The following DEPDC5 variants were observed in gnomAD, a reference collection of about 807,000 sequenced individuals.
The protein encoded by DEPDC5 is DEP domain containing 5, GATOR1 subcomplex subunit, also known as GATOR1 complex protein DEPDC5.
In DEPDC5, 73 loss-of-function variants were observed where a neutral mutation model predicts 217.3. That is an observed-to-expected ratio of 0.34 (90% CI 0.28 to 0.41). DEPDC5 has a LOEUF of 0.41. Among genes scored for constraint, DEPDC5 ranks in the 10% least tolerant of loss-of-function variants. The pLI is 1.00. For missense variants in DEPDC5, 1,675 were observed against 2,070.1 expected (o/e 0.81, Z 3.70); for synonymous variants, 733 against 756.7 (o/e 0.97, Z 0.51).
chr22:31,814,725 G>T (rs2088862464), intron 20 of DEPDC5: 1 of 479,628 alleles, frequency 2.1e-6, no homozygotes, highest in African/African-American at 1.9e-5. Context: ...AGTGGGATTA[G>T]GTGGGGTCAG....
intron 25 of DEPDC5, 77 bp downstream of exon 25, chr22:31,834,057 A>G: frequency 6.9e-7 from 1 of 1,452,832 alleles, no homozygotes; most frequent in Non-Finnish European, 9.7e-7. Context: ...AACAAGAGGA[A>G]GCCCTGTGGG....
At chr22:31,754,771 G>A (rs1000170120) in intron 1 of DEPDC5, 91 bp from the exon 2 acceptor site, 7 of 793,072 alleles carry the variant, frequency 8.8e-6, no homozygotes, top group Non-Finnish European at 1.4e-5. Flanking sequence ...CACAGCAGAG[G>A]AACACCAGTA....
intron 16 of DEPDC5, among the ~76,000 whole-genome samples, 157 bp from the exon 17 acceptor site, chr22:31,804,685 C>T (rs962767345): frequency 1.3e-5 from 2 of 152,240 alleles, no homozygotes; most frequent in African/African-American, 4.8e-5. Flanking sequence ...GGTGGTCCGC[C>T]CGCCTTGGCC....
chr22:31,902,437 C>T lies in DEPDC5; in HGVS notation c.4436+635C>T, dbSNP rs923906831. On this transcript the variant is annotated intron_variant, in intron 41 of 42. Transcript: ENST00000651528. ...ATATATATATATATATATATATATACTTATATATACTCATACAACCACAGG... is the reference window on the plus strand; with the variant it reads ...ATATATATATATATATATATATATATTTATATATACTCATACAACCACAGG... Among the ~76,000 whole-genome samples, 281 of 78,032 alleles carry T rather than the reference C, an allele frequency of 3.6e-3. 1 individual carries two copies. The highest frequency in any genetic ancestry group is 0.011 in the African/African-American group (235 of 22,242). The allele number at this position is 78,032 out of a possible 152,430, so 51.2% of individuals were successfully genotyped here. A position where few individuals can be genotyped will look rare whatever the true frequency, so the allele number is the denominator to read the frequency against.
intron 24 of DEPDC5, chr22:31,823,221 T>TTG (rs1424294369): frequency 1.2e-5 from 2 of 173,364 alleles, no homozygotes; most frequent in Non-Finnish European, 2.5e-5. Flanking sequence ...GATTACATAG[T>TTG]TGCCTAGAGA....
intron 27 of DEPDC5, 37 bp from the exon 28 acceptor site, chr22:31,843,058 T>C (rs752468508): frequency 1.3e-6 from 2 of 1,514,598 alleles, no homozygotes; most frequent in Non-Finnish European, 9.1e-7. Flanking sequence ...AGGAATGAGC[T>C]TCAAACAGAT....
chr22:31,870,870 C>T, intron 34 of DEPDC5, 126 bp downstream of exon 34: 1 of 1,113,002 alleles, frequency 9.0e-7, no homozygotes, highest in Non-Finnish European at 1.2e-6. Context: ...ACATGCGACC[C>T]TGGGCAAGTT....
chr22:31,823,052 G>T (rs936828795), intron 24 of DEPDC5: 47 of 417,340 alleles, frequency 1.1e-4, no homozygotes, highest in Admixed American at 1.0e-3. Flanking sequence ...CAGCTTAGGA[G>T]CATAGTATTG....
rs984431191 is a variant in DEPDC5, at chr22:31,792,889, A to G, written c.767+72A>G. The G allele has an allele frequency of 8.3e-6, 11 of 1,326,282 alleles. No individual in the cohort carries two copies. The South Asian group carries it at 1.8e-4, about 22-fold the overall frequency. The allele number at this position is 1,326,282 out of a possible 1,614,324, so 82.2% of individuals were successfully genotyped here. Reference sequence around the variant, plus strand: ...TTCTTTCCTAACTTAAAAATAAGTCAGCCTGGGCAACATGGCGAAACCCTG... The same window carrying G: ...TTCTTTCCTAACTTAAAAATAAGTCGGCCTGGGCAACATGGCGAAACCCTG... On this transcript the variant is annotated intron_variant, in intron 12 of 42. Transcript: ENST00000651528.
intron 4 of DEPDC5, among the ~76,000 whole-genome samples, chr22:31,762,970 A>G (rs1373064597): frequency 6.6e-6 from 1 of 151,692 alleles, no homozygotes; most frequent in Non-Finnish European, 1.5e-5. Flanking sequence ...GTGCACCACC[A>G]TGCCTGGCTA....
intron 38 of DEPDC5, chr22:31,891,323 CA>C: frequency 2.4e-6 from 1 of 408,950 alleles, no homozygotes; most frequent in Non-Finnish European, 4.7e-6. Flanking sequence ...TTATCTTTAT[CA>C]ACTCATCCTT....
intron 14 of DEPDC5, 54 bp from the exon 15 acceptor site, chr22:31,802,650 A>G: frequency 2.1e-6 from 3 of 1,456,332 alleles, no homozygotes; most frequent in East Asian, 2.6e-5. Flanking sequence ...TGTCTGTGAC[A>G]GGGTTCTGAA....
chr22:31,828,664 A>G lies in DEPDC5; in HGVS notation c.2105-5251A>G, dbSNP rs1272226223. The stretch of plus-strand genomic sequence containing the variant: ...TTTCTCCTTGCTTGGTTTTTAAGTG[A>G]CTTTCCTTTCAAGCCATCCTCAGTT... On this transcript the variant is annotated intron_variant, in intron 24 of 42. Transcript: ENST00000651528. 2.0e-5 allele frequency among the ~76,000 whole-genome samples: 3 copies of G among 152,156 alleles called. No individual in the cohort carries two copies. In the East Asian group the frequency reaches 5.8e-4, roughly 29 times the overall value.
rs941338013 is a variant in DEPDC5, at chr22:31,870,258, G to T, written c.3331-332G>T. ...TGGAGATTTTTCTTTAGTGTAAATC[G>T]TGTGGTTTGAGGCAGGTGCTGAAGC... On this transcript the variant is annotated intron_variant, in intron 33 of 42. Transcript: ENST00000651528. Among the ~76,000 whole-genome samples the T allele has an allele frequency of 3.3e-5, 5 of 152,108 alleles. No individual in the cohort carries two copies. The East Asian group carries it at 9.6e-4, about 29-fold the overall frequency.
At chr22:31,902,408 T>TTATATATA (rs66813737) in intron 41 of DEPDC5, among the ~76,000 whole-genome samples, 9,213 of 111,384 alleles carry the variant, frequency 0.083, 526 homozygotes, top group Non-Finnish European at 0.12. Flanking sequence ...CATCTCCTTA[T>TTATATATA]TATATATATA....
At chr22:31,766,066 AT>A (rs2082788904) in intron 5 of DEPDC5, among the ~76,000 whole-genome samples, 1 of 152,210 alleles carries the variant, frequency 6.6e-6, no homozygotes. Context: ...CCTACATGTC[AT>A]TTAGAATGTA....
At chr22:31,892,178 T>G (rs1456771590) in intron 38 of DEPDC5, among the ~76,000 whole-genome samples, 1 of 152,218 alleles carries the variant, frequency 6.6e-6, no homozygotes, top group Non-Finnish European at 1.5e-5. Flanking sequence ...GATCTGGGGT[T>G]TAGCCTGGCT....
chr22:31,810,689 A>G (rs2088190462), intron 20 of DEPDC5, 48 bp downstream of exon 20: 1 of 1,610,286 alleles, frequency 6.2e-7, no homozygotes, highest in Admixed American at 1.7e-5. Context: ...TTGTGTAGGA[A>G]AACCTGAAGT....
chr22:31,833,800 G>T, intron 24 of DEPDC5, 115 bp from the exon 25 acceptor site: 3 of 773,988 alleles, frequency 3.9e-6, no homozygotes, highest in Non-Finnish European at 6.2e-6. Flanking sequence ...CACAGAATTT[G>T]CACTTGGTTT....
Sources: allele counts gnomAD v4.1 joint callset (sites outside exome capture counted in the v4.1 genomes callset), GRCh38; gene constraint gnomAD v4.1.1; transcripts MANE v1.5; gene names NCBI Gene and HGNC (gene_info 2026-07-23, HGNC 2026-07-21).